The following SLC25A30 variants were observed in gnomAD, a reference collection of about 807,000 sequenced individuals.
SLC25A30 encodes the protein kidney mitochondrial carrier protein 1.
Under a neutral mutation model 42.7 loss-of-function variants are expected in SLC25A30, and 29 were observed. That is an observed-to-expected ratio of 0.68 (90% CI 0.51 to 0.93). The LOEUF is 0.93. SLC25A30 is among the 40% of genes least tolerant of loss of function. The pLI is 0.00. For missense variants in SLC25A30, 300 were observed against 359.7 expected, an observed-to-expected ratio of 0.83 and a Z score of 1.34; for synonymous variants, 124 against 131.0, an observed-to-expected ratio of 0.95 and a Z score of 0.37.
chr13:45,398,913 C>G, intron 8 of SLC25A30, 27 bp downstream of exon 8: 1 of 1,605,918 alleles, frequency 6.2e-7, no homozygotes, highest in Non-Finnish European at 8.5e-7. Flanking sequence ...AATTCACAAC[C>G]CTGCAGAGAC....
intron 8 of SLC25A30, chr13:45,398,454 A>G (rs1881589731): frequency 6.6e-6 from 1 of 150,556 alleles, no homozygotes; most frequent in Admixed American, 6.7e-5. Context: ...AAATACATTA[A>G]AACTTGAAAA....
upstream of SLC25A30, among the ~76,000 whole-genome samples, chr13:45,422,180 A>C (rs1883905719): frequency 6.6e-6 from 1 of 152,188 alleles, no homozygotes; most frequent in Non-Finnish European, 1.5e-5. Context: ...CAATTTGATA[A>C]ATGTTTGTTT....
chr13:45,426,456 T>C, the SLC25A30 span, among the ~76,000 whole-genome samples: 1 of 152,146 alleles, frequency 6.6e-6, no homozygotes, highest in African/African-American at 2.4e-5. Flanking sequence ...CAATTTTTCC[T>C]CCCGGGCCCT....
intron 3 of SLC25A30, among the ~76,000 whole-genome samples, chr13:45,408,249 A>G (rs1882698699): frequency 6.6e-6 from 1 of 152,244 alleles, no homozygotes; most frequent in African/African-American, 2.4e-5. Flanking sequence ...TACTACTGTC[A>G]TAACTGAATG....
chr13:45,395,355 A>G lies in SLC25A30; in HGVS notation c.*619T>C, dbSNP rs1011728047. 1 of 986,466 alleles carries G rather than the reference A, an allele frequency of 1.0e-6. No individual in the cohort carries two copies. The highest frequency in any genetic ancestry group is 1.7e-5 in the African/African-American group (1 of 57,254). The allele number at this position is 986,466 out of a possible 1,614,324, so 61.1% of individuals were successfully genotyped here. A position where few individuals can be genotyped will look rare whatever the true frequency, so the allele number is the denominator to read the frequency against. ...GATTATTACTTTGTAACAATTTCTC[A>G]CAAATGTCAAGTCTTCAAAGCTTAA... On this transcript the variant is annotated 3_prime_UTR_variant, in exon 10 of 10. Coordinates refer to ENST00000519676, the MANE Select transcript of SLC25A30 (RefSeq NM_001010875.4).
At chr13:45,412,196 C>T (rs1883094150) in intron 1 of SLC25A30, among the ~76,000 whole-genome samples, 1 of 151,918 alleles carries the variant, frequency 6.6e-6, no homozygotes, top group African/African-American at 2.4e-5. Context: ...CATGGCTCAC[C>T]GTAGCCTCAA....
intron 3 of SLC25A30, among the ~76,000 whole-genome samples, chr13:45,406,342 G>C (rs867367789): frequency 1.3e-5 from 2 of 152,134 alleles, no homozygotes; most frequent in African/African-American, 4.8e-5. Context: ...AAAGTGCTGG[G>C]ATTACAGGCA....
At chr13:45,419,149 A>AGG (rs1555288862), upstream of SLC25A30, among the ~76,000 whole-genome samples, 1 of 143,148 alleles carries the variant, frequency 7.0e-6, no homozygotes, top group South Asian at 2.2e-4. Flanking sequence ...AAAAAAAAAA[A>AGG]AAGAAAGAAA....
chr13:45,412,119 C>G (rs949773623), intron 1 of SLC25A30, among the ~76,000 whole-genome samples: 3 of 147,044 alleles, frequency 2.0e-5, no homozygotes, highest in African/African-American at 5.2e-5. Context: ...CAAGCTACTT[C>G]TTTTTTTGTT....
At chr13:45,411,295 A>C in intron 2 of SLC25A30, 67 bp downstream of exon 2, 9 of 1,153,636 alleles carry the variant, frequency 7.8e-6, no homozygotes, top group Non-Finnish European at 1.2e-5. Flanking sequence ...TCTACACTTG[A>C]ACTACATTCA....
rs1312306114 is a variant in SLC25A30 at position 45,395,422 on chromosome 13, T to C, written c.*552A>G. ...TGGAAGATCCTGCCAAAATAGGAAA[T>C]GATAAAGCAGTGTGATATTCCTAGG... On this transcript the variant is annotated 3_prime_UTR_variant, in exon 10 of 10. Coordinates refer to ENST00000519676, the MANE Select transcript of SLC25A30 (RefSeq NM_001010875.4). 2.0e-6 allele frequency: 2 copies of C among 986,850 alleles called. No homozygotes were observed. The highest frequency in any genetic ancestry group is 5.2e-4 in the Middle Eastern group (1 of 1,914). 61.1% of individuals were successfully genotyped at this position (986,850 alleles called of 1,614,324 possible).
intron 3 of SLC25A30, 22 bp from the exon 4 acceptor site, chr13:45,405,999 G>A (rs1882470338): frequency 4.3e-6 from 7 of 1,610,784 alleles, no homozygotes; most frequent in South Asian, 1.1e-5. Context: ...ATGTACAAAG[G>A]GACAAAAGCA....
chr13:45,394,264 T>G lies in SLC25A30; in HGVS notation c.*1710A>C. On this transcript the variant is annotated 3_prime_UTR_variant, in exon 10 of 10. Transcript: ENST00000519676. ...CTGCACCCCGCCCCCGCCCCCACCTTCTGTTATCCTCTCTTTTTGATGACT... is the reference window on the plus strand; with the variant it reads ...CTGCACCCCGCCCCCGCCCCCACCTGCTGTTATCCTCTCTTTTTGATGACT... The G allele has an allele frequency of 7.8e-6, 1 of 128,788 alleles. No individual in the cohort carries two copies. The highest frequency in any genetic ancestry group is 1.0e-5 in the Non-Finnish European group (1 of 97,704). The allele number at this position is 128,788 out of a possible 1,614,324, so 8.0% of individuals were successfully genotyped here.
upstream of SLC25A30, among the ~76,000 whole-genome samples, chr13:45,421,725 T>C (rs1278121996): frequency 6.6e-6 from 1 of 152,154 alleles, no homozygotes; most frequent in Non-Finnish European, 1.5e-5. Flanking sequence ...CTTTGTAAAA[T>C]GTAAGTGCTG....
intron 3 of SLC25A30, among the ~76,000 whole-genome samples, chr13:45,407,716 T>G (rs1412691820): frequency 6.6e-6 from 1 of 152,168 alleles, no homozygotes; most frequent in African/African-American, 2.4e-5. Context: ...CTTCTCTTCC[T>G]TCTCCAAACA....
upstream of SLC25A30, among the ~76,000 whole-genome samples, chr13:45,420,709 T>C (rs1273405251): frequency 2.0e-5 from 3 of 152,070 alleles, no homozygotes; most frequent in Non-Finnish European, 4.4e-5. Context: ...TTTGTTTTGT[T>C]TTGTTTTTCA....
chr13:45,400,946 T>A, intron 7 of SLC25A30, 137 bp downstream of exon 7: 1 of 654,138 alleles, frequency 1.5e-6, no homozygotes, highest in Non-Finnish European at 2.5e-6. Flanking sequence ...AACAGCTGCC[T>A]ATGTAGAGGA....
the SLC25A30 span, among the ~76,000 whole-genome samples, chr13:45,424,001 A>G: frequency 3.6e-5 from 3 of 83,892 alleles, no homozygotes; most frequent in East Asian, 3.5e-4. Flanking sequence ...AAATATATAT[A>G]AAAATATATA....
upstream of SLC25A30, among the ~76,000 whole-genome samples, chr13:45,420,033 G>A (rs1883847955): frequency 6.6e-6 from 1 of 151,840 alleles, no homozygotes; most frequent in Non-Finnish European, 1.5e-5. Flanking sequence ...GAGGGAGGAA[G>A]GAAGGGAGGA....
Sources: allele counts gnomAD v4.1 joint callset (sites outside exome capture counted in the v4.1 genomes callset), GRCh38; gene constraint gnomAD v4.1.1; transcripts MANE v1.5; gene names NCBI Gene and HGNC (gene_info 2026-07-23, HGNC 2026-07-21).